The following PTPRB variants were observed in gnomAD, a reference collection of about 807,000 sequenced individuals.
The protein encoded by PTPRB is receptor-type tyrosine-protein phosphatase beta.
In PTPRB, 97 loss-of-function variants were observed where a neutral mutation model predicts 238.1. The ratio of observed to expected loss-of-function variants is 0.41; its 90% CI spans 0.35 to 0.48. PTPRB has a LOEUF of 0.48. PTPRB is among the 20% of genes least tolerant of loss of function. PTPRB has a pLI of 0.30. For missense variants in PTPRB, 2,292 were observed against 2,681.9 expected (o/e 0.85, Z 3.21); for synonymous variants, 970 against 995.4 (o/e 0.97, Z 0.48).
Position 70,518,767 on chromosome 12 carries a change from GT to G in PTPRB, c.*2721del, listed in dbSNP as rs1871383544. ...GATTTAATGAGATGAGGTTAAAGGA[GT>G]TAATTATAACGAACTTGGAAAAATA... On this transcript the variant is annotated 3_prime_UTR_variant, in exon 34 of 34. Transcript: ENST00000334414. 6.6e-6 allele frequency: 1 copy of G among 152,078 alleles called. No individual in the cohort carries two copies. The highest frequency in any genetic ancestry group is 1.5e-5 in the Non-Finnish European group (1 of 68,020). 9.4% of individuals were successfully genotyped at this position (152,078 alleles called of 1,614,324 possible). A position where few individuals can be genotyped will look rare whatever the true frequency, so the allele number is the denominator to read the frequency against.
At chr12:70,579,501 A>G (rs766145696) in intron 10 of PTPRB, among the ~76,000 whole-genome samples, 1 of 152,088 alleles carries the variant, frequency 6.6e-6, no homozygotes, top group Non-Finnish European at 1.5e-5. Context: ...GATCGAGACC[A>G]TCCTGGCCAA....
intron 21 of PTPRB, 106 bp downstream of exon 21, chr12:70,552,671 G>A (rs1371237428): frequency 7.9e-6 from 11 of 1,391,222 alleles, no homozygotes; most frequent in South Asian, 4.1e-5. Context: ...CTCTTGTAAC[G>A]TAGGTTATTA....
Position 70,576,565 on chromosome 12 carries a change from C to T in PTPRB, c.2659G>A (p.Gly887Arg), listed in dbSNP as rs1012099677. The change falls in exon 11 of 34, where the codon GGA becomes AGA. Residue 887 changes from glycine (G) to arginine (R), a missense_variant. By Grantham distance (125) the Gly-to-Arg change is moderately radical. This residue lies in a region of PTPRB where 1,205 missense variants were observed against 1,287.8 expected (regional missense o/e 0.94). Transcript: ENST00000334414. ...YLSVSWLLAP[G>R]DVDNYEVTLS... is the part of the protein sequence containing the mutation. The stretch of plus-strand genomic sequence containing the variant: ...GTTACCTCATAGTTATCCACATCTC[C>T]GGGCGCCAGCAGCCAGGAAACGCTG... The T allele has an allele frequency of 8.4e-6, 13 of 1,552,424 alleles. No homozygotes were observed. The highest frequency in any genetic ancestry group is 1.1e-5 in the Non-Finnish European group (13 of 1,147,708).
intron 32 of PTPRB, among the ~76,000 whole-genome samples, chr12:70,526,693 A>G (rs1287898582): frequency 1.3e-5 from 2 of 152,172 alleles, no homozygotes; most frequent in East Asian, 3.8e-4. Flanking sequence ...TCTTTTTGCT[A>G]CCTTAAAAAG....
intron 4 of PTPRB, among the ~76,000 whole-genome samples, chr12:70,599,181 G>A (rs951106817): frequency 1.3e-5 from 2 of 152,072 alleles, no homozygotes; most frequent in African/African-American, 2.4e-5. Flanking sequence ...TCTATCAGGG[G>A]TGCACATTTC....
intron 9 of PTPRB, among the ~76,000 whole-genome samples, chr12:70,584,054 A>G (rs1021954778): frequency 6.6e-6 from 1 of 152,196 alleles, no homozygotes; most frequent in Admixed American, 6.5e-5. Flanking sequence ...GAATGAAAAT[A>G]TAACTAAAGA....
intron 10 of PTPRB, among the ~76,000 whole-genome samples, chr12:70,579,919 A>G (rs1881198352): frequency 6.6e-6 from 1 of 152,232 alleles, no homozygotes; most frequent in South Asian, 2.1e-4. Context: ...CCTGCAGCTG[A>G]TAAACAGAAT....
chr12:70,602,328 C>T (rs1441607269), intron 4 of PTPRB, among the ~76,000 whole-genome samples: 2 of 152,156 alleles, frequency 1.3e-5, no homozygotes, highest in Admixed American at 6.5e-5. Context: ...ACCCTCATCC[C>T]CATGATATTC....
At chr12:70,607,316 T>C (rs1426027613) in intron 4 of PTPRB, among the ~76,000 whole-genome samples, 1 of 152,212 alleles carries the variant, frequency 6.6e-6, no homozygotes, top group Admixed American at 6.5e-5. Flanking sequence ...ACACATACAC[T>C]AGTTGGCCAG....
chr12:70,597,080 G>A (rs1194749953), intron 4 of PTPRB, among the ~76,000 whole-genome samples: 1 of 151,674 alleles, frequency 6.6e-6, no homozygotes, highest in Non-Finnish European at 1.5e-5. Context: ...ACTGTGTCCG[G>A]TGAATTTTTT....
chr12:70,601,790 CTTTTTTTTTT>C (rs200227553), intron 4 of PTPRB, among the ~76,000 whole-genome samples: 1 of 127,540 alleles, frequency 7.8e-6, no homozygotes, highest in Non-Finnish European at 1.6e-5. Context: ...TTTCTTTTTT[CTTTTTTTTTT>C]TTTTTTTTTG....
rs1305393368 is a variant in PTPRB at position 70,576,599 on chromosome 12, A to G, written c.2625T>C (p.Asn875=). 6.7e-7 allele frequency: 1 copy of G among 1,494,126 alleles called. No homozygotes were observed. Among genetic ancestry groups the G allele is most frequent in the Non-Finnish European group, 9.0e-7 (1 of 1,115,596 alleles). 92.6% of individuals were successfully genotyped at this position (1,494,126 alleles called of 1,614,324 possible). ...SGVTVNNSGR[N]DYLSVSWLLA... is the part of the protein sequence containing the mutation. ...GCAGCCAGGAAACGCTGAGGTAGTC[A>G]TTACGACCGGAATTGTTCACCGTTA... is the stretch of plus-strand genomic sequence containing the variant. Residue 875 remains asparagine, a synonymous_variant, in exon 11 of 34, where the codon AAT becomes AAC. Coordinates refer to ENST00000334414, the MANE Select transcript of PTPRB (RefSeq NM_001109754.4).
intron 4 of PTPRB, among the ~76,000 whole-genome samples, chr12:70,600,592 C>T (rs772704119): frequency 4.6e-5 from 7 of 152,154 alleles, no homozygotes; most frequent in Non-Finnish European, 7.3e-5. Flanking sequence ...GTTCCCTTTT[C>T]GAAAATAATA....
At chr12:70,555,510 G>T (rs1216049231) in intron 19 of PTPRB, among the ~76,000 whole-genome samples, 1 of 152,164 alleles carries the variant, frequency 6.6e-6, no homozygotes, top group Non-Finnish European at 1.5e-5. Context: ...TTTGCCAGTG[G>T]CACATTAAAC....
chr12:70,562,733 T>A, intron 16 of PTPRB, 111 bp downstream of exon 16: 1 of 1,334,606 alleles, frequency 7.5e-7, no homozygotes, highest in Non-Finnish European at 1.0e-6. Context: ...ACAAATGCCA[T>A]ATAAAGCTAC....
intron 6 of PTPRB, 45 bp downstream of exon 6, chr12:70,594,422 C>T (rs1882794020): frequency 1.2e-6 from 2 of 1,601,680 alleles, no homozygotes; most frequent in African/African-American, 1.3e-5. Flanking sequence ...TAAACATTCC[C>T]TTGATTTCAC....
chr12:70,605,786 G>A (rs1227919649), intron 4 of PTPRB, among the ~76,000 whole-genome samples: 1 of 152,068 alleles, frequency 6.6e-6, no homozygotes, highest in Non-Finnish European at 1.5e-5. Context: ...AACACTACAT[G>A]AGCCAAACAC....
chr12:70,539,507 A>T (rs896721547), intron 26 of PTPRB, 118 bp downstream of exon 26: 1 of 797,072 alleles, frequency 1.3e-6, no homozygotes, highest in Non-Finnish European at 2.0e-6. Flanking sequence ...CTCAGCTGAG[A>T]TTCTAAGCAG....
At position 70,536,877 on chromosome 12, in the gene PTPRB, T is replaced by C. The variant is rs1038454342; in HGVS notation, c.5947-718A>G. Among the ~76,000 whole-genome samples, 17 of 152,208 alleles carry C rather than the reference T, an allele frequency of 1.1e-4. No homozygotes were observed. In the East Asian group the frequency reaches 2.5e-3, roughly 22 times the overall value. ...GCCTGCTTGGCTGAGCCTTCTTTTA[T>C]CTTTCTCTCTGCTGGGGGATATTCT... On this transcript the variant is annotated intron_variant, in intron 28 of 33. Transcript: ENST00000334414.
Sources: gnomAD v4.1 joint callset for allele counts (sites outside exome capture counted in the v4.1 genomes callset) on GRCh38, gnomAD v4.1.1 for gene constraint, gnomAD v4.1.1 regional missense constraint, MANE v1.5 for transcripts, NCBI Gene and HGNC (gene_info 2026-07-23, HGNC 2026-07-21) for gene names.